Variants in FREM1 observed in about 807,000 individuals in gnomAD.
The protein encoded by FREM1 is FRAS1-related extracellular matrix protein 1.
Under a neutral mutation model 210.1 loss-of-function variants are expected in FREM1, and 220 were observed. That is an observed-to-expected ratio of 1.05 (90% confidence interval 0.94 to 1.17). The LOEUF is 1.17. FREM1 is among the 50% of genes most tolerant of loss of function. The pLI is 0.00. For missense variants in FREM1, 3,454 were observed against 2,675.5 expected (o/e 1.29, Z -6.42); for synonymous variants, 1,189 against 980.2 (o/e 1.21, Z -3.98).
At chr9:14,827,491 A>C (rs1265727223) in intron 10 of FREM1, among the ~76,000 whole-genome samples, 1 of 152,216 alleles carries the variant, frequency 6.6e-6, no homozygotes, top group Non-Finnish European at 1.5e-5. Context: ...TAGAAGACAG[A>C]AATGAACTAA....
chr9:14,801,991 T>A, intron 19 of FREM1, 117 bp from the exon 20 acceptor site: 1 of 702,808 alleles, frequency 1.4e-6, no homozygotes, highest in Non-Finnish European at 2.4e-6. Flanking sequence ...CTATGAGATT[T>A]ATATAGGATG....
At chr9:14,830,625 T>C (rs1335373464) in intron 10 of FREM1, among the ~76,000 whole-genome samples, 1 of 152,220 alleles carries the variant, frequency 6.6e-6, no homozygotes, top group African/African-American at 2.4e-5. Context: ...CTCCTCCTCT[T>C]TCGGCTTTGG....
intron 1 of FREM1, among the ~76,000 whole-genome samples, chr9:14,880,031 A>G (rs1834509972): frequency 6.6e-6 from 1 of 152,138 alleles, no homozygotes; most frequent in Non-Finnish European, 1.5e-5. Flanking sequence ...CGTTAGGTTT[A>G]CATAAGGTCA....
chr9:14,752,042 G>T (rs952986098), intron 29 of FREM1, among the ~76,000 whole-genome samples: 1 of 150,206 alleles, frequency 6.7e-6, no homozygotes, highest in Non-Finnish European at 1.5e-5. Context: ...TCTCATGGAT[G>T]GATAAATCAA....
chr9:14,837,673 A>C (rs541102914), intron 10 of FREM1, among the ~76,000 whole-genome samples: 1 of 152,328 alleles, frequency 6.6e-6, no homozygotes, highest in East Asian at 1.9e-4. Context: ...ATGGCTGGGA[A>C]GTCCCACAGA....
chr9:14,836,695 A>G lies in FREM1; in HGVS notation c.1881+4752T>C, dbSNP rs1052493111. Among the ~76,000 whole-genome samples, 6 of 152,214 alleles carry G rather than the reference A, an allele frequency of 3.9e-5. No homozygotes were observed. Among genetic ancestry groups the G allele is most frequent in the Non-Finnish European group, 7.3e-5 (5 of 68,046 alleles). On this transcript the variant is annotated intron_variant, in intron 10 of 36. Transcript: ENST00000380880. The surrounding 1 kb of genome is among the most constrained non-coding windows in gnomAD (Gnocchi z 4.9). ...TCTCGCCTAAAAGCAATCAAACTCC[A>G]AATGGTGCTGCAAACTGAACCGCAT...
At chr9:14,748,055 T>G (rs1296797157) in intron 31 of FREM1, among the ~76,000 whole-genome samples, 1 of 152,198 alleles carries the variant, frequency 6.6e-6, no homozygotes, top group Non-Finnish European at 1.5e-5. Context: ...TAGAATGCTG[T>G]GTTAATAAGG....
chr9:14,799,361 G>C (rs1477695915), intron 20 of FREM1, among the ~76,000 whole-genome samples: 3 of 152,024 alleles, frequency 2.0e-5, no homozygotes, highest in African/African-American at 7.2e-5. Context: ...ATATTTGTTT[G>C]GGGGGATGTT....
chr9:14,752,466 G>A (rs572444211), intron 29 of FREM1, among the ~76,000 whole-genome samples: 7 of 152,240 alleles, frequency 4.6e-5, no homozygotes, highest in Non-Finnish European at 7.4e-5. Flanking sequence ...AGAGAGCCCT[G>A]GGCACCTGGC....
At chr9:14,801,390 C>T (rs1817261191) in intron 20 of FREM1, among the ~76,000 whole-genome samples, 1 of 152,162 alleles carries the variant, frequency 6.6e-6, no homozygotes, top group Admixed American at 6.5e-5. Context: ...AATCTACTGT[C>T]TTAGGAATTT....
intron 1 of FREM1, among the ~76,000 whole-genome samples, chr9:14,896,050 A>G (rs1247324530): frequency 6.6e-6 from 1 of 152,174 alleles, no homozygotes; most frequent in Non-Finnish European, 1.5e-5. Flanking sequence ...ATGAGAGAGG[A>G]GGTCAGCACA....
rs1468488843 is a variant in FREM1 at position 14,897,052 on chromosome 9, T to C, written c.-268+12862A>G. 3.9e-5 allele frequency among the ~76,000 whole-genome samples: 6 copies of C among 152,202 alleles called. No individual in the cohort carries two copies. In the South Asian group the frequency reaches 8.3e-4, roughly 21 times the overall value. On this transcript the variant is annotated intron_variant, in intron 1 of 36. Coordinates refer to ENST00000380880, the MANE Select transcript of FREM1 (RefSeq NM_001379081.2). ...GCTTTCGATGACCTAAGAAATTTTA[T>C]GGTAAATGACAAAAAGTGCCATGTT...
chr9:14,896,738 T>C (rs574563683), intron 1 of FREM1, among the ~76,000 whole-genome samples: 1 of 152,144 alleles, frequency 6.6e-6, no homozygotes, highest in African/African-American at 2.4e-5. Flanking sequence ...AAAACCAGAA[T>C]GGTATTCGCT....
In FREM1 at chr9:14,750,117, A is replaced by C. The variant is rs1843097455; in HGVS notation, c.5557+10T>G. 1 of 1,613,230 alleles carries C rather than the reference A, an allele frequency of 6.2e-7. No individual in the cohort carries two copies. The highest frequency in any genetic ancestry group is 2.2e-5 in the East Asian group (1 of 44,886). ...CGCTCCTGATTTCAAGATGAGGATC[A>C]AAAGAATACCTCCTTTTGAGTCCAA... On this transcript the variant is annotated intron_variant, in intron 30 of 36. Transcript: ENST00000380880.
chr9:14,868,647 G>A (rs541057544), intron 2 of FREM1, 97 bp downstream of exon 2: 4 of 779,458 alleles, frequency 5.1e-6, no homozygotes, highest in Middle Eastern at 2.3e-4. Context: ...GATGGCTTGA[G>A]GGGAGACATT....
intron 30 of FREM1, among the ~76,000 whole-genome samples, 153 bp from the exon 31 acceptor site, chr9:14,748,792 T>C (rs530028247): frequency 1.1e-4 from 16 of 152,308 alleles, no homozygotes; most frequent in Admixed American, 3.3e-4. Context: ...AGAAACTCCT[T>C]TACTCTTCAT....
chr9:14,865,378 T>C (rs1405874346), intron 2 of FREM1, among the ~76,000 whole-genome samples: 1 of 152,192 alleles, frequency 6.6e-6, no homozygotes, highest in Non-Finnish European at 1.5e-5. Context: ...TAATTGACTA[T>C]ATCAAGAGGG....
chr9:14,767,583 T>C (rs185125320), intron 27 of FREM1, among the ~76,000 whole-genome samples: 64 of 152,308 alleles, frequency 4.2e-4, no homozygotes, highest in African/African-American at 1.2e-3. Flanking sequence ...ACCAATTATA[T>C]TGCAAATGGC....
rs1220767726 is a variant in FREM1 at position 14,848,696 on chromosome 9, A to G, written c.1230T>C (p.Asp410=). ...TCCAGGATACACGGGGGGCATTTGT[A>G]TCTGCTGTTCTGATGGAGATGTGGA... ...MTVHISIRTA[D]TNAPRVSWNT... The change falls in exon 7 of 37, where the codon GAT becomes GAC. Residue 410 remains aspartate (D), a synonymous_variant. Coordinates refer to ENST00000380880, the MANE Select transcript of FREM1 (RefSeq NM_001379081.2). 3 of 1,611,608 alleles carry G rather than the reference A, an allele frequency of 1.9e-6. No homozygotes were observed. The highest frequency in any genetic ancestry group is 2.2e-5 in the East Asian group (1 of 44,858).
Sources: allele counts gnomAD v4.1 joint callset (sites outside exome capture counted in the v4.1 genomes callset), GRCh38; gene constraint gnomAD v4.1.1; non-coding constraint Gnocchi (gnomAD v3.1); transcripts MANE v1.5; gene names NCBI Gene and HGNC (gene_info 2026-07-23, HGNC 2026-07-21).